ANKS1B: variants seen among roughly 807,000 people sequenced by gnomAD.
ANKS1B encodes the protein ankyrin repeat and sterile alpha motif domain containing 1B.
A neutral mutation model predicts 148.3 loss-of-function variants in ANKS1B; 36 were observed. The ratio of observed to expected loss-of-function variants is 0.24; its 90% CI spans 0.19 to 0.32. The LOEUF is 0.32. ANKS1B is among the 10% of genes least tolerant of loss of function. The probability of loss-of-function intolerance (pLI) is 1.00; values close to 1 mark genes in which losing one functional copy is unlikely to be tolerated. For missense variants in ANKS1B, 1,157 were observed against 1,542.6 expected (o/e 0.75, Z 4.19); for synonymous variants, 542 against 560.8 (o/e 0.97, Z 0.47).
chr12:99,503,761 T>C (rs1419916510), intron 10 of ANKS1B, among the ~76,000 whole-genome samples: 4 of 152,034 alleles, frequency 2.6e-5, no homozygotes, highest in Non-Finnish European at 4.4e-5. Context: ...TGCGACTGCA[T>C]TACCAAACCA....
At chr12:99,198,341 T>A (rs1481386418) in intron 14 of ANKS1B, among the ~76,000 whole-genome samples, 1 of 152,176 alleles carries the variant, frequency 6.6e-6, no homozygotes, top group Admixed American at 6.5e-5. Context: ...TTGCACTGGT[T>A]ACTCACTTTG....
intron 10 of ANKS1B, among the ~76,000 whole-genome samples, chr12:99,486,650 G>T (rs1469663586): frequency 2.0e-5 from 3 of 152,144 alleles, no homozygotes; most frequent in Non-Finnish European, 4.4e-5. Context: ...GGTGGCTGGA[G>T]GAGCTCACAG....
intron 1 of ANKS1B, among the ~76,000 whole-genome samples, chr12:99,841,082 A>AT (rs1437066904): frequency 1.3e-5 from 2 of 152,142 alleles, no homozygotes; most frequent in Non-Finnish European, 2.9e-5. Context: ...CCTTGGGAAA[A>AT]TTACCTAACT....
intron 1 of ANKS1B, among the ~76,000 whole-genome samples, chr12:99,947,255 C>CAGAA (rs111539200): frequency 1.5e-5 from 2 of 129,062 alleles, no homozygotes; most frequent in Non-Finnish European, 3.2e-5. Context: ...TAAAGTAATA[C>CAGAA]AAAAAAAAAA....
intron 9 of ANKS1B, among the ~76,000 whole-genome samples, chr12:99,545,927 G>T (rs2097169166): frequency 6.6e-6 from 1 of 151,678 alleles, no homozygotes; most frequent in African/African-American, 2.4e-5. Flanking sequence ...GTGTCACATG[G>T]GTTCACTTTA....
intron 22 of ANKS1B, among the ~76,000 whole-genome samples, chr12:98,788,981 A>G (rs1026048194): frequency 1.3e-5 from 2 of 152,208 alleles, no homozygotes; most frequent in African/African-American, 4.8e-5. Context: ...GGGACTGTGA[A>G]TGGATAAAAC....
intron 25 of ANKS1B, among the ~76,000 whole-genome samples, chr12:98,771,232 C>T (rs1009665815): frequency 7.2e-5 from 11 of 151,940 alleles, no homozygotes; most frequent in Admixed American, 3.9e-4. Flanking sequence ...TGCAGTGGCA[C>T]GATCATAGCT....
intron 14 of ANKS1B, among the ~76,000 whole-genome samples, chr12:99,233,974 T>G (rs2087356226): frequency 6.6e-6 from 1 of 152,036 alleles, no homozygotes; most frequent in Non-Finnish European, 1.5e-5. Flanking sequence ...TGAGACAAAA[T>G]AGGCAAGAGA....
intron 12 of ANKS1B, among the ~76,000 whole-genome samples, chr12:99,348,372 T>G (rs1156827999): frequency 1.3e-5 from 2 of 151,584 alleles, no homozygotes; most frequent in Non-Finnish European, 2.9e-5. Flanking sequence ...GAGTCTTCCT[T>G]AAAAAAAGAC....
chr12:99,011,660 T>A (rs980423964), intron 17 of ANKS1B, among the ~76,000 whole-genome samples: 1 of 152,184 alleles, frequency 6.6e-6, no homozygotes, highest in African/African-American at 2.4e-5. Context: ...GCAACATATA[T>A]GTTTCTAAAA....
At chr12:99,677,951 C>CAACA (rs1307583968) in intron 8 of ANKS1B, among the ~76,000 whole-genome samples, 1 of 152,060 alleles carries the variant, frequency 6.6e-6, no homozygotes, top group African/African-American at 2.4e-5. Flanking sequence ...CCAGCATGGA[C>CAACA]AACAGAGCAA....
chr12:99,670,829 T>G (rs1253313187), intron 8 of ANKS1B, among the ~76,000 whole-genome samples: 1 of 152,120 alleles, frequency 6.6e-6, no homozygotes, highest in African/African-American at 2.4e-5. Context: ...GTTTGCATGA[T>G]TAAGGCAGTA....
chr12:99,377,288 A>AGCCT (rs2093431921), intron 12 of ANKS1B, among the ~76,000 whole-genome samples: 2 of 152,104 alleles, frequency 1.3e-5, no homozygotes, highest in South Asian at 4.1e-4. Context: ...TATGGGTGTG[A>AGCCT]GCCTGAGTTA....
intron 15 of ANKS1B, among the ~76,000 whole-genome samples, chr12:99,124,844 G>A (rs1377893720): frequency 6.6e-6 from 1 of 152,182 alleles, no homozygotes. Flanking sequence ...TATCAGTTAA[G>A]TCAAATGCTG....
chr12:99,050,224 T>C (rs1027904404), intron 17 of ANKS1B, among the ~76,000 whole-genome samples: 13 of 152,236 alleles, frequency 8.5e-5, no homozygotes, highest in Admixed American at 5.2e-4. Context: ...ATTCAAAATC[T>C]TTGTAAGCCA....
chr12:98,986,731 C>T (rs2099923647), intron 17 of ANKS1B, among the ~76,000 whole-genome samples: 2 of 152,144 alleles, frequency 1.3e-5, no homozygotes, highest in African/African-American at 4.8e-5. Flanking sequence ...CCTTCCACTT[C>T]AGCCTCTTGA....
intron 17 of ANKS1B, among the ~76,000 whole-genome samples, chr12:98,924,449 T>C (rs2099805422): frequency 6.6e-6 from 1 of 152,220 alleles, no homozygotes; most frequent in Admixed American, 6.5e-5. Flanking sequence ...GTATCTACTC[T>C]TGAAAATACA....
chr12:98,805,202 T>C (rs1300023035), intron 20 of ANKS1B, among the ~76,000 whole-genome samples: 2 of 152,178 alleles, frequency 1.3e-5, no homozygotes. Flanking sequence ...ATCTTTCCTT[T>C]AGGTTCATGT....
At chr12:99,182,508 T>C (rs942909164) in intron 14 of ANKS1B, among the ~76,000 whole-genome samples, 1 of 152,242 alleles carries the variant, frequency 6.6e-6, no homozygotes, top group Non-Finnish European at 1.5e-5. Flanking sequence ...ATTCTTTTTA[T>C]GGCTGAATAG....
Sources: allele counts gnomAD v4.1 joint callset (sites outside exome capture counted in the v4.1 genomes callset), GRCh38; gene constraint gnomAD v4.1.1; transcripts MANE v1.5; gene names NCBI Gene and HGNC (gene_info 2026-07-23, HGNC 2026-07-21).